BRIP1: variants seen among roughly 807,000 people sequenced by gnomAD.
BRIP1 encodes BRCA1 interacting DNA helicase 1, also known as Fanconi anemia group J protein.
BRIP1 carries 88 observed loss-of-function variants against 119.7 expected under a neutral mutation model. The ratio of observed to expected loss-of-function variants is 0.74; its 90% CI spans 0.62 to 0.88. The LOEUF is 0.88. Among genes scored for constraint, BRIP1 ranks in the 40% least tolerant of loss-of-function variants. The pLI is 0.00. For synonymous variants in BRIP1, 443 were observed against 496.5 expected, an observed-to-expected ratio of 0.89 and a Z score of 1.43; for missense variants, 1,259 against 1,455.4, an observed-to-expected ratio of 0.87 and a Z score of 2.20.
In BRIP1 at chr17:61,794,678, C is replaced by A. The variant is rs1208406368; in HGVS notation, c.1341-949G>T. Among the ~76,000 whole-genome samples the A allele has an allele frequency of 6.7e-6, 1 of 148,236 alleles. No individual in the cohort carries two copies. Among genetic ancestry groups the A allele is most frequent in the African/African-American group, 2.5e-5 (1 of 40,126 alleles). On this transcript the variant is annotated intron_variant, in intron 9 of 19. Transcript: ENST00000259008. The surrounding 1 kb of genome is among the most constrained non-coding windows in gnomAD (Gnocchi z 4.3). The stretch of plus-strand genomic sequence containing the variant: ...ACAAACCTGCACATGTACCCCTGAA[C>A]TTAAAAGTTAAAAAAAAAAGTTCTA...
chr17:61,781,911 A>T (rs1175485985), intron 11 of BRIP1, among the ~76,000 whole-genome samples: 1 of 114,298 alleles, frequency 8.7e-6, no homozygotes, highest in East Asian at 2.7e-4. Flanking sequence ...ACGGAGCAAG[A>T]CTCCATCTCA....
At position 61,853,056 on chromosome 17, in the gene BRIP1, C is replaced by A. The variant is rs2078844812; in HGVS notation, c.380-3800G>T. ...GAATGTTCATAACAGCACTATTAAA[C>A]AATACTGAAAACAACCCAATGCCTA... On this transcript the variant is annotated intron_variant, in intron 4 of 19. Transcript: ENST00000259008. This position sits in a 1 kb window ranked among gnomAD's most constrained non-coding sequence, Gnocchi z 4.3. 6.6e-6 allele frequency among the ~76,000 whole-genome samples: 1 copy of A among 152,032 alleles called. No individual in the cohort carries two copies. Among genetic ancestry groups the A allele is most frequent in the African/African-American group, 2.4e-5 (1 of 41,390 alleles).
Position 61,845,507 on chromosome 17 carries a change from T to A in BRIP1, c.627+1594A>T, listed in dbSNP as rs955184513. ...GTCATATTCTGTAATATCACCAATT[T>A]CATCAGAAAAGTCTGTAGTTATCAC... On this transcript the variant is annotated intron_variant, in intron 6 of 19. Transcript: ENST00000259008. The surrounding 1 kb of genome is among the most constrained non-coding windows in gnomAD (Gnocchi z 4.2). Among the ~76,000 whole-genome samples, 2 of 152,234 alleles carry A rather than the reference T, an allele frequency of 1.3e-5. No homozygotes were observed. The highest frequency in any genetic ancestry group is 4.8e-5 in the African/African-American group (2 of 41,466).
In BRIP1 at chr17:61,744,417, A is replaced by C. The variant is rs775380026; in HGVS notation, c.2257+15T>G. 6.2e-7 allele frequency: 1 copy of C among 1,611,660 alleles called. No homozygotes were observed. Among genetic ancestry groups the C allele is most frequent in the Non-Finnish European group, 8.5e-7 (1 of 1,178,108 alleles). On this transcript the variant is annotated intron_variant, in intron 15 of 19. Transcript: ENST00000259008. This position sits in a 1 kb window ranked among gnomAD's most constrained non-coding sequence, Gnocchi z 5.0. Reference sequence around the variant, plus strand: ...AAAATATTTTTTCACCGACCATGAAATAATTTCCAGTTACCTTTCTCTCCT... The same window carrying C: ...AAAATATTTTTTCACCGACCATGAACTAATTTCCAGTTACCTTTCTCTCCT...
At chr17:61,779,926 G>A (rs1233080546) in intron 13 of BRIP1, among the ~76,000 whole-genome samples, 2 of 152,212 alleles carry the variant, frequency 1.3e-5, no homozygotes, top group Admixed American at 6.5e-5. Context: ...GGGCAACAGA[G>A]CCAGACTCTG....
In BRIP1 at chr17:61,848,656, T is replaced by C. The variant is rs908608611; in HGVS notation, c.507+473A>G. 3.9e-5 allele frequency among the ~76,000 whole-genome samples: 6 copies of C among 152,208 alleles called. No homozygotes were observed. The highest frequency in any genetic ancestry group is 1.4e-4 in the African/African-American group (6 of 41,454). ...TGGTAATTCAAGCCTTTTAGTAATT[T>C]TTAGAAATAAATATACATATTTTAT... On this transcript the variant is annotated intron_variant, in intron 5 of 19. Transcript: ENST00000259008. The surrounding 1 kb of genome is among the most constrained non-coding windows in gnomAD (Gnocchi z 4.3).
At chr17:61,813,147 A>G (rs1410483844) in intron 6 of BRIP1, among the ~76,000 whole-genome samples, 2 of 152,128 alleles carry the variant, frequency 1.3e-5, no homozygotes, top group Non-Finnish European at 2.9e-5. Flanking sequence ...TTGAATTTCA[A>G]AAGCAGGCAG....
rs554220452 is a variant in BRIP1 at position 61,816,101 on chromosome 17, G to A, written c.628-7344C>T. 9.2e-5 allele frequency among the ~76,000 whole-genome samples: 14 copies of A among 152,258 alleles called. No homozygotes were observed. The highest frequency in any genetic ancestry group is 6.2e-4 in the South Asian group (3 of 4,824). On this transcript the variant is annotated intron_variant, in intron 6 of 19. Transcript: ENST00000259008. The surrounding 1 kb of genome is among the most constrained non-coding windows in gnomAD (Gnocchi z 5.0). Reference sequence around the variant, plus strand: ...GTTTATCCACTCACAGCAACCAGCAGGTGAACCTGATTCAATATTTATCAC... The same window carrying A: ...GTTTATCCACTCACAGCAACCAGCAAGTGAACCTGATTCAATATTTATCAC...
rs1360697248 is a variant in BRIP1, at chr17:61,730,117, T to G, written c.2379+12896A>C. On this transcript the variant is annotated intron_variant, in intron 16 of 19. Coordinates refer to ENST00000259008, the MANE Select transcript of BRIP1 (RefSeq NM_032043.3). The surrounding 1 kb of genome is among the most constrained non-coding windows in gnomAD (Gnocchi z 4.3). ...ACTGACGCACTGGGGTGATGTGTCCTACAGTTACAAAGTATAAACTGAACT... is the reference window on the plus strand; with the variant it reads ...ACTGACGCACTGGGGTGATGTGTCCGACAGTTACAAAGTATAAACTGAACT... Among the ~76,000 whole-genome samples, 3 of 152,198 alleles carry G rather than the reference T, an allele frequency of 2.0e-5. No individual in the cohort carries two copies. Among genetic ancestry groups the G allele is most frequent in the Non-Finnish European group, 4.4e-5 (3 of 68,034 alleles).
chr17:61,785,087 T>C (rs2077685562), intron 10 of BRIP1, among the ~76,000 whole-genome samples: 1 of 152,174 alleles, frequency 6.6e-6, no homozygotes, highest in Admixed American at 6.5e-5. Context: ...TTTGGTGCCT[T>C]TCAGATGTAA....
At chr17:61,781,464 T>TAAAA (rs1250661105) in intron 11 of BRIP1, among the ~76,000 whole-genome samples, 1 of 152,180 alleles carries the variant, frequency 6.6e-6, no homozygotes, top group Admixed American at 6.5e-5. Flanking sequence ...TTACTGAAAG[T>TAAAA]TTTTAAAGTA....
intron 4 of BRIP1, among the ~76,000 whole-genome samples, chr17:61,855,766 C>A (rs550594901): frequency 6.6e-6 from 1 of 152,040 alleles, no homozygotes; most frequent in East Asian, 1.9e-4. Context: ...ATGCCAGGCA[C>A]CCTGCTAGAG....
In BRIP1 at chr17:61,825,756, TACAA is replaced by T. The variant is rs200670302; in HGVS notation, c.628-17003_628-17000del. On this transcript the variant is annotated intron_variant, in intron 6 of 19. Transcript: ENST00000259008. This position sits in a 1 kb window ranked among gnomAD's most constrained non-coding sequence, Gnocchi z 4.1. Reference sequence around the variant, plus strand: ...CTGCTTGAAGAAATCAGAGATTTCTTACAAACAAATGAAAAAACCTTCCATGTTC... The same window carrying T: ...CTGCTTGAAGAAATCAGAGATTTCTTACAAATGAAAAAACCTTCCATGTTC... 0.01 allele frequency among the ~76,000 whole-genome samples: 1,564 copies of T among 152,070 alleles called. 18 individuals are homozygous for T. Among genetic ancestry groups the T allele is most frequent in the African/African-American group, 0.035 (1,440 of 41,510 alleles).
Position 61,683,202 on chromosome 17 carries a change from T to C in BRIP1, c.*94A>G, listed in dbSNP as rs927022238. 2.2e-6 allele frequency: 3 copies of C among 1,359,952 alleles called. No individual in the cohort carries two copies. Among genetic ancestry groups the C allele is most frequent in the African/African-American group, 2.9e-5 (2 of 68,022 alleles). 84.2% of individuals were successfully genotyped at this position (1,359,952 alleles called of 1,614,324 possible). ...GAACATAAAATAGTTTTTTAAAAAG[T>C]ATGCCACTTATTCAATTTACAAATT... On this transcript the variant is annotated 3_prime_UTR_variant, in exon 20 of 20. Coordinates refer to ENST00000259008, the MANE Select transcript of BRIP1 (RefSeq NM_032043.3). This position sits in a 1 kb window ranked among gnomAD's most constrained non-coding sequence, Gnocchi z 4.7.
rs2061804561 is a variant in BRIP1 at position 61,713,098 on chromosome 17, T to C, written c.2492+2853A>G. 6.6e-6 allele frequency among the ~76,000 whole-genome samples: 1 copy of C among 152,190 alleles called. No individual in the cohort carries two copies. Among genetic ancestry groups the C allele is most frequent in the Non-Finnish European group, 1.5e-5 (1 of 68,034 alleles). The stretch of plus-strand genomic sequence containing the variant: ...GAAAAATTCCTATCACCTAGTGATG[T>C]CACCATTGTAACATTATAGCACAAT... On this transcript the variant is annotated intron_variant, in intron 17 of 19. Coordinates refer to ENST00000259008, the MANE Select transcript of BRIP1 (RefSeq NM_032043.3). The surrounding 1 kb of genome is among the most constrained non-coding windows in gnomAD (Gnocchi z 4.9).
intron 9 of BRIP1, among the ~76,000 whole-genome samples, chr17:61,797,956 C>G (rs2077926954): frequency 6.6e-6 from 1 of 152,002 alleles, no homozygotes; most frequent in African/African-American, 2.4e-5. Flanking sequence ...ATTAGCCCCC[C>G]TGTCATCCAC....
At position 61,798,034 on chromosome 17, in the gene BRIP1, C is replaced by T. The variant is rs1356134132; in HGVS notation, c.1340+1066G>A. ...TGTCTATGCTTTCACCCAACAATTC[C>T]ACTTCTAAAAAGATTCCTATAGATA... On this transcript the variant is annotated intron_variant, in intron 9 of 19. Transcript: ENST00000259008. The surrounding 1 kb of genome is among the most constrained non-coding windows in gnomAD (Gnocchi z 5.5). 6.6e-6 allele frequency among the ~76,000 whole-genome samples: 1 copy of T among 151,854 alleles called. No homozygotes were observed. The highest frequency in any genetic ancestry group is 2.4e-5 in the African/African-American group (1 of 41,370).
chr17:61,711,866 A>T (rs1036734250), intron 17 of BRIP1, among the ~76,000 whole-genome samples: 3 of 147,864 alleles, frequency 2.0e-5, no homozygotes, highest in South Asian at 2.1e-4. Flanking sequence ...AGACTCTCTC[A>T]AAAAAAAAAT....
rs549731774 is a variant in BRIP1 at position 61,720,530 on chromosome 17, A to G, written c.2380-4467T>C. On this transcript the variant is annotated intron_variant, in intron 16 of 19. Coordinates refer to ENST00000259008, the MANE Select transcript of BRIP1 (RefSeq NM_032043.3). This position sits in a 1 kb window ranked among gnomAD's most constrained non-coding sequence, Gnocchi z 4.3. ...CTGCGGTCAACTGTGGTCCAAAAAT[A>G]TTAAATAAAAAATTCCAGAAATAAT... Among the ~76,000 whole-genome samples, 2 of 152,358 alleles carry G rather than the reference A, an allele frequency of 1.3e-5. No individual in the cohort carries two copies. The highest frequency in any genetic ancestry group is 3.9e-4 in the East Asian group (2 of 5,192).
Sources: allele counts gnomAD v4.1 joint callset (sites outside exome capture counted in the v4.1 genomes callset), GRCh38; gene constraint gnomAD v4.1.1; non-coding constraint Gnocchi (gnomAD v3.1); transcripts MANE v1.5; gene names NCBI Gene and HGNC (gene_info 2026-07-23, HGNC 2026-07-21).